The following ATP9A variants were observed in gnomAD, a reference collection of about 807,000 sequenced individuals.
The protein encoded by ATP9A is ATPase phospholipid transporting 9A, also known as probable phospholipid-transporting ATPase IIA.
A neutral mutation model predicts 144.1 loss-of-function variants in ATP9A; 52 were observed. That is an observed-to-expected ratio of 0.36 (90% CI 0.29 to 0.45). The LOEUF (loss-of-function observed/expected upper bound fraction) is 0.45, where lower values mean the gene tolerates loss of function less well. ATP9A is among the 20% of genes least tolerant of loss of function. The pLI is 1.00. For missense variants in ATP9A, 947 were observed against 1,392.7 expected (o/e 0.68, Z 5.09); for synonymous variants, 582 against 557.4 (o/e 1.04, Z -0.62).
chr20:51,724,027 T>A (rs1172923087), intron 3 of ATP9A, among the ~76,000 whole-genome samples: 1 of 151,772 alleles, frequency 6.6e-6, no homozygotes, highest in Non-Finnish European at 1.5e-5. Context: ...AAAAATTAGC[T>A]GGGCACAGTG....
intron 3 of ATP9A, among the ~76,000 whole-genome samples, 174 bp downstream of exon 3, chr20:51,725,645 A>T (rs978910288): frequency 7.9e-5 from 12 of 152,244 alleles, no homozygotes; most frequent in African/African-American, 2.9e-4. Context: ...TCCAGGCGGT[A>T]TATGAAATGG....
intron 1 of ATP9A, among the ~76,000 whole-genome samples, chr20:51,737,312 C>T (rs758630830): frequency 1.3e-5 from 2 of 152,164 alleles, no homozygotes; most frequent in Non-Finnish European, 2.9e-5. Context: ...TCTCTTGCCC[C>T]GTACCCATTC....
intron 26 of ATP9A, among the ~76,000 whole-genome samples, 155 bp from the exon 27 acceptor site, chr20:51,605,175 C>T (rs2077158510): frequency 6.6e-6 from 1 of 152,094 alleles, no homozygotes; most frequent in Non-Finnish European, 1.5e-5. Flanking sequence ...CAGGTCTGAA[C>T]CTATGGTTTT....
chr20:51,710,557 T>C (rs2077633845), intron 4 of ATP9A, among the ~76,000 whole-genome samples: 2 of 152,176 alleles, frequency 1.3e-5, no homozygotes, highest in Non-Finnish European at 1.5e-5. Flanking sequence ...TAAACTCGCC[T>C]CGATCACTTT....
intron 25 of ATP9A, 152 bp downstream of exon 25, chr20:51,608,366 C>T: frequency 1.6e-6 from 1 of 616,204 alleles, no homozygotes. Flanking sequence ...ACCTTCCCCC[C>T]AAAAGTAAAA....
At chr20:51,624,096 C>G (rs2077237964) in intron 18 of ATP9A, among the ~76,000 whole-genome samples, 1 of 152,218 alleles carries the variant, frequency 6.6e-6, no homozygotes, top group Non-Finnish European at 1.5e-5. Context: ...CAGAAATGGG[C>G]CTCCAGCGGC....
intron 11 of ATP9A, among the ~76,000 whole-genome samples, chr20:51,673,674 T>A (rs2077465509): frequency 6.6e-6 from 1 of 152,170 alleles, no homozygotes; most frequent in African/African-American, 2.4e-5. Context: ...TGGAGGAATG[T>A]GATCTTCTGG....
chr20:51,697,831 G>A (rs1393068389), intron 4 of ATP9A, among the ~76,000 whole-genome samples: 1 of 152,128 alleles, frequency 6.6e-6, no homozygotes, highest in South Asian at 2.1e-4. Context: ...CAAAGTACCG[G>A]GGGAAAAAAG....
Position 51,671,265 on chromosome 20 carries a change from C to G in ATP9A, c.1038-8G>C. 1.2e-6 allele frequency: 2 copies of G among 1,611,382 alleles called. No homozygotes were observed. Among genetic ancestry groups the G allele is most frequent in the Non-Finnish European group, 1.7e-6 (2 of 1,177,696 alleles). Reference sequence around the variant, plus strand: ...TCCAGGTTCACACGCAAACTAGGCACAAAACCAGAGCAAACAGGCTAACAG... The same window carrying G: ...TCCAGGTTCACACGCAAACTAGGCAGAAAACCAGAGCAAACAGGCTAACAG... On this transcript the variant is annotated splice_polypyrimidine_tract_variant and splice_region_variant and intron_variant, in intron 11 of 27. Coordinates refer to ENST00000338821, the MANE Select transcript of ATP9A (RefSeq NM_006045.3).
chr20:51,692,212 T>C (rs2077551444), intron 7 of ATP9A, among the ~76,000 whole-genome samples: 1 of 152,232 alleles, frequency 6.6e-6, no homozygotes, highest in African/African-American at 2.4e-5. Flanking sequence ...TTCATGCCAC[T>C]GAACTGTACA....
intron 14 of ATP9A, among the ~76,000 whole-genome samples, chr20:51,642,502 A>G (rs555294352): frequency 9.1e-4 from 139 of 151,968 alleles, no homozygotes; most frequent in African/African-American, 3.2e-3. Context: ...TTACAGTTCT[A>G]TAGATCAGGG....
At chr20:51,711,820 C>A (rs2077639888) in intron 4 of ATP9A, among the ~76,000 whole-genome samples, 1 of 150,048 alleles carries the variant, frequency 6.7e-6, no homozygotes, top group Admixed American at 6.7e-5. Context: ...TTTTTCATAT[C>A]CCTGGGAAAT....
intron 1 of ATP9A, among the ~76,000 whole-genome samples, chr20:51,758,630 G>A (rs556737041): frequency 1.2e-4 from 18 of 152,316 alleles, no homozygotes; most frequent in Admixed American, 9.8e-4. Flanking sequence ...ACAGTAGGTA[G>A]AAAGAGCCCT....
At chr20:51,644,731 TA>T (rs1418246050) in intron 14 of ATP9A, among the ~76,000 whole-genome samples, 2 of 152,204 alleles carry the variant, frequency 1.3e-5, no homozygotes, top group Non-Finnish European at 2.9e-5. Context: ...CTTCCTTATA[TA>T]CCTATTAAGT....
At chr20:51,716,679 A>AG (rs1196941952) in intron 3 of ATP9A, among the ~76,000 whole-genome samples, 1 of 152,060 alleles carries the variant, frequency 6.6e-6, no homozygotes, top group African/African-American at 2.4e-5. Flanking sequence ...TTAAAACTTA[A>AG]CAATGAAAAA....
At chr20:51,738,899 C>T (rs1027660205) in intron 1 of ATP9A, among the ~76,000 whole-genome samples, 6 of 152,012 alleles carry the variant, frequency 3.9e-5, no homozygotes, top group Non-Finnish European at 8.8e-5. Context: ...CTGGACAACA[C>T]GGAGAAACCC....
chr20:51,629,146 G>T, intron 15 of ATP9A, 74 bp from the exon 16 acceptor site: 2 of 1,235,450 alleles, frequency 1.6e-6, no homozygotes, highest in South Asian at 1.3e-5. Flanking sequence ...CGCTTCCCAT[G>T]ACAGACAGTG....
chr20:51,705,492 T>C lies in ATP9A; in HGVS notation c.436+7474A>G, dbSNP rs567813663. 2.0e-5 allele frequency among the ~76,000 whole-genome samples: 3 copies of C among 152,272 alleles called. No individual in the cohort carries two copies. The South Asian group carries it at 6.2e-4, about 32-fold the overall frequency. On this transcript the variant is annotated intron_variant, in intron 4 of 27. Transcript: ENST00000338821. ...AAAGCTGAAGATACGCAAAAGAGCA[T>C]AGATCTTTGGCTTATGACTTATGGT...
intron 2 of ATP9A, among the ~76,000 whole-genome samples, chr20:51,727,757 C>T (rs1236606048): frequency 6.6e-6 from 1 of 151,932 alleles, no homozygotes; most frequent in African/African-American, 2.4e-5. Context: ...TGATGAAACC[C>T]TGTCTCTACT....
Sources: gnomAD v4.1 joint callset for allele counts (sites outside exome capture counted in the v4.1 genomes callset) on GRCh38, gnomAD v4.1.1 for gene constraint, MANE v1.5 for transcripts, NCBI Gene and HGNC (gene_info 2026-07-23, HGNC 2026-07-21) for gene names.